The following PTPRR variants were observed in gnomAD, a reference collection of about 807,000 sequenced individuals.
PTPRR encodes receptor-type tyrosine-protein phosphatase R.
In PTPRR, 38 loss-of-function variants were observed where a neutral mutation model predicts 77.2. The observed-to-expected ratio is 0.49, with a 90% CI of 0.38 to 0.65. The LOEUF is 0.65. Among genes scored for constraint, PTPRR ranks in the 30% least tolerant of loss-of-function variants. PTPRR has a pLI of 0.00. For synonymous variants in PTPRR, 299 were observed against 283.1 expected (o/e 1.06, Z -0.57); for missense variants, 744 against 799.2 (o/e 0.93, Z 0.83).
intron 8 of PTPRR, among the ~76,000 whole-genome samples, chr12:70,688,611 C>T (rs1887953243): frequency 6.6e-6 from 1 of 152,162 alleles, no homozygotes; most frequent in South Asian, 2.1e-4. Context: ...TTAGCATAGC[C>T]ATTTTGGAAA....
intron 10 of PTPRR, chr12:70,673,103 C>T (rs1174608801): frequency 6.3e-6 from 6 of 947,780 alleles, no homozygotes; most frequent in Non-Finnish European, 8.3e-6. Flanking sequence ...GGTACAATGA[C>T]ATCCTTGGTC....
At chr12:70,679,025 C>T (rs917696786) in intron 10 of PTPRR, among the ~76,000 whole-genome samples, 26 of 152,270 alleles carry the variant, frequency 1.7e-4, no homozygotes, top group African/African-American at 6.0e-4. Context: ...ATTAAGTTAT[C>T]ATCTTTCACT....
At chr12:70,908,123 A>G (rs1198007901) in intron 1 of PTPRR, among the ~76,000 whole-genome samples, 2 of 152,316 alleles carry the variant, frequency 1.3e-5, no homozygotes, top group East Asian at 1.9e-4. Context: ...CTGGGCTCCA[A>G]TTTTAAGACA....
chr12:70,684,862 G>A, intron 8 of PTPRR, 79 bp from the exon 9 acceptor site: 1 of 929,212 alleles, frequency 1.1e-6, no homozygotes, highest in Non-Finnish European at 1.7e-6. Flanking sequence ...TAACCAGTAA[G>A]TAGAAACCTG....
At chr12:70,836,192 C>T (rs2137055155) in intron 2 of PTPRR, among the ~76,000 whole-genome samples, 1 of 152,196 alleles carries the variant, frequency 6.6e-6, no homozygotes, top group Non-Finnish European at 1.5e-5. Flanking sequence ...GGATAGAATC[C>T]AGGCACCCTT....
intron 2 of PTPRR, among the ~76,000 whole-genome samples, chr12:70,783,803 T>C (rs895317523): frequency 6.9e-6 from 1 of 145,320 alleles, no homozygotes; most frequent in African/African-American, 2.5e-5. Context: ...TTAGTCCCCT[T>C]TTAGCTTCCC....
At chr12:70,722,913 G>A (rs920005910) in intron 6 of PTPRR, among the ~76,000 whole-genome samples, 7 of 152,104 alleles carry the variant, frequency 4.6e-5, no homozygotes. Context: ...GCCAAAAGAT[G>A]GGCCTTCCAC....
At chr12:70,767,509 A>C (rs539379744) in intron 2 of PTPRR, among the ~76,000 whole-genome samples, 1 of 152,198 alleles carries the variant, frequency 6.6e-6, no homozygotes, top group African/African-American at 2.4e-5. Flanking sequence ...ACCCAGATTC[A>C]TAAAGCCAGT....
chr12:70,691,345 A>G (rs1339631056), intron 8 of PTPRR, among the ~76,000 whole-genome samples: 1 of 151,954 alleles, frequency 6.6e-6, no homozygotes, highest in East Asian at 1.9e-4. Flanking sequence ...AGATTCTGGG[A>G]CACAACGTTC....
chr12:70,888,934 C>A (rs17108998), intron 2 of PTPRR, among the ~76,000 whole-genome samples: 31,416 of 152,070 alleles, frequency 0.21, 3,455 homozygotes, highest in Non-Finnish European at 0.25. Flanking sequence ...ACTAAAGCAT[C>A]GTGCTCAATG....
At chr12:70,885,945 C>T (rs747874148) in intron 2 of PTPRR, among the ~76,000 whole-genome samples, 19 of 151,996 alleles carry the variant, frequency 1.3e-4, no homozygotes, top group Admixed American at 2.0e-4. Context: ...TAAGTTATTC[C>T]CTGCTCATTC....
chr12:70,712,527 A>C (rs557438057), intron 6 of PTPRR, among the ~76,000 whole-genome samples: 24 of 150,316 alleles, frequency 1.6e-4, no homozygotes, highest in African/African-American at 5.9e-4. Flanking sequence ...TCAAGTGCAG[A>C]TATTAGGCAT....
chr12:70,877,927 G>T (rs1371181725), intron 2 of PTPRR, among the ~76,000 whole-genome samples: 1 of 152,090 alleles, frequency 6.6e-6, no homozygotes, highest in Non-Finnish European at 1.5e-5. Context: ...ACAGAACACA[G>T]CCCTAAGAAA....
At chr12:70,802,979 T>C (rs776850649) in intron 2 of PTPRR, among the ~76,000 whole-genome samples, 2 of 152,204 alleles carry the variant, frequency 1.3e-5, no homozygotes, top group African/African-American at 4.8e-5. Flanking sequence ...TTGGGCAAAA[T>C]ATTATCATGT....
At position 70,746,044 on chromosome 12, in the gene PTPRR, G is replaced by C; in HGVS notation, c.781C>G (p.Gln261Glu). 1 of 1,613,174 alleles carries C rather than the reference G, an allele frequency of 6.2e-7. No individual in the cohort carries two copies. Among genetic ancestry groups the C allele is most frequent in the East Asian group, 2.2e-5 (1 of 44,864 alleles). ...ATCTCCTGGTTTTTCTCTTTGTCTT[G>C]TCTTAAGGAAAGCTGAAATCTTTCT... ...LKERFQLSLR[Q>E]DKEKNQEIHL... The change falls in exon 6 of 14, where the codon CAA becomes GAA. Residue 261 changes from glutamine to glutamate, a missense_variant. This residue lies in a region of PTPRR where 570 missense variants were observed against 573.2 expected (regional missense o/e 0.99). Transcript: ENST00000283228.
At chr12:70,775,732 C>T (rs1891073457) in intron 2 of PTPRR, among the ~76,000 whole-genome samples, 2 of 152,018 alleles carry the variant, frequency 1.3e-5, no homozygotes, top group South Asian at 4.2e-4. Flanking sequence ...TCCTTTTGGA[C>T]CAAAAGCTTG....
In PTPRR at chr12:70,910,924, T is replaced by C. The variant is rs138537424; in HGVS notation, c.58+9409A>G. ...GTGAAGCATCATGAAAAAGTTTCTA[T>C]AACTGAATTCTGAGTTTTCTTGTGA... On this transcript the variant is annotated intron_variant, in intron 1 of 13. Transcript: ENST00000283228. Among the ~76,000 whole-genome samples, 723 of 152,300 alleles carry C rather than the reference T, an allele frequency of 4.7e-3. 5 individuals carry two copies. The highest frequency in any genetic ancestry group is 6.5e-3 in the Non-Finnish European group (441 of 68,018).
intron 13 of PTPRR, among the ~76,000 whole-genome samples, chr12:70,654,316 A>G (rs921443149): frequency 1.3e-5 from 2 of 152,140 alleles, no homozygotes; most frequent in African/African-American, 4.8e-5. Flanking sequence ...GGTGGCTCAC[A>G]CCTACAATCC....
chr12:70,701,713 C>T (rs1288742700), intron 6 of PTPRR, among the ~76,000 whole-genome samples: 1 of 152,136 alleles, frequency 6.6e-6, no homozygotes, highest in East Asian at 1.9e-4. Context: ...TAGTTCATGA[C>T]TGCAATCCCA....
Sources: gnomAD v4.1 joint callset for allele counts (sites outside exome capture counted in the v4.1 genomes callset) on GRCh38, gnomAD v4.1.1 for gene constraint, gnomAD v4.1.1 regional missense constraint, MANE v1.5 for transcripts, NCBI Gene and HGNC (gene_info 2026-07-23, HGNC 2026-07-21) for gene names.